Variants in INTS9 observed in about 807,000 individuals in gnomAD.
The protein encoded by INTS9 is integrator complex subunit 9.
Under a neutral mutation model 79.7 loss-of-function variants are expected in INTS9, and 55 were observed. The observed-to-expected ratio is 0.69, with a 90% CI of 0.56 to 0.86. The LOEUF (loss-of-function observed/expected upper bound fraction) is 0.86. INTS9 is among the 40% of genes least tolerant of loss of function. The probability of loss-of-function intolerance (pLI) is 0.00; values close to 1 mark genes in which losing one functional copy is unlikely to be tolerated. For missense variants in INTS9, 721 were observed against 831.5 expected (o/e 0.87, Z 1.64); for synonymous variants, 319 against 325.2 (o/e 0.98, Z 0.20).
At chr8:28,832,818 T>G (rs1254475167) in intron 6 of INTS9, among the ~76,000 whole-genome samples, 4 of 151,822 alleles carry the variant, frequency 2.6e-5, no homozygotes, top group Non-Finnish European at 4.4e-5. Flanking sequence ...AAAAATTAGC[T>G]GGGCATGGTG....
intron 6 of INTS9, among the ~76,000 whole-genome samples, chr8:28,828,776 G>A (rs1806299200): frequency 6.6e-6 from 1 of 151,526 alleles, no homozygotes; most frequent in Non-Finnish European, 1.5e-5. Flanking sequence ...TCGGCTCACC[G>A]CAACTTCCAC....
At chr8:28,833,027 AAC>A (rs1285380465) in intron 6 of INTS9, among the ~76,000 whole-genome samples, 4 of 152,306 alleles carry the variant, frequency 2.6e-5, no homozygotes, top group African/African-American at 9.6e-5. Context: ...TAAATAAATT[AAC>A]ACATTTAGAA....
chr8:28,780,886 C>T lies in INTS9; in HGVS notation c.1207G>A (p.Gly403Arg), dbSNP rs767847217. The change falls in exon 12 of 17, where the codon GGG (glycine) becomes AGG (arginine). Residue 403 changes from glycine to arginine, a missense_variant. Gly to Arg is a moderately radical substitution (Grantham distance 125). Around this residue, in one of 3 missense-constraint regions of INTS9, gnomAD observed 149 missense variants for 223.7 expected, o/e 0.67. Transcript: ENST00000521022. The stretch of plus-strand genomic sequence containing the variant: ...AGCTCCATGAAGTGGACCACGTCCC[C>T]GAAGCGGAGGGAAGGGTGCCCGGTG... ...VFTGHPSLRF[G>R]DVVHFMELWG... The T allele has an allele frequency of 6.8e-6, 11 of 1,614,000 alleles. No homozygotes were observed. Among genetic ancestry groups the T allele is most frequent in the African/African-American group, 1.3e-5 (1 of 74,912 alleles).
chr8:28,780,733 A>G (rs900796696), intron 12 of INTS9, 90 bp downstream of exon 12: 20 of 1,537,694 alleles, frequency 1.3e-5, no homozygotes, highest in East Asian at 2.3e-5. Context: ...TCTCACTGCA[A>G]AATCCTTCCC....
At chr8:28,784,622 A>G (rs1273797052) in intron 11 of INTS9, among the ~76,000 whole-genome samples, 1 of 152,242 alleles carries the variant, frequency 6.6e-6, no homozygotes, top group African/African-American at 2.4e-5. Flanking sequence ...TAACTATAAA[A>G]CAAAACAACT....
chr8:28,817,712 G>A (rs915515072), intron 6 of INTS9, among the ~76,000 whole-genome samples: 3 of 144,922 alleles, frequency 2.1e-5, no homozygotes, highest in Admixed American at 6.9e-5. Flanking sequence ...GTAGCTTGAT[G>A]GGGATGGCAT....
intron 11 of INTS9, 131 bp from the exon 12 acceptor site, chr8:28,781,125 A>C: frequency 4.4e-6 from 3 of 678,638 alleles, no homozygotes; most frequent in Non-Finnish European, 7.4e-6. Flanking sequence ...TTGGGAGAAA[A>C]TACCTGCAAA....
chr8:28,882,246 C>G (rs1005983286), intron 1 of INTS9, among the ~76,000 whole-genome samples: 4 of 133,494 alleles, frequency 3.0e-5, no homozygotes, highest in Non-Finnish European at 6.6e-5. Flanking sequence ...TAAACAGATG[C>G]TTGAAGGCAG....
chr8:28,888,751 G>A (rs1810334888), intron 1 of INTS9, among the ~76,000 whole-genome samples: 2 of 152,232 alleles, frequency 1.3e-5, no homozygotes, highest in African/African-American at 4.8e-5. Flanking sequence ...GACAATTTCG[G>A]AATTGAATCC....
chr8:28,870,530 C>A (rs1809030834), intron 1 of INTS9, among the ~76,000 whole-genome samples: 1 of 152,018 alleles, frequency 6.6e-6, no homozygotes, highest in East Asian at 1.9e-4. Flanking sequence ...GGATCAGCAT[C>A]AAGAAGGGAG....
intron 2 of INTS9, among the ~76,000 whole-genome samples, chr8:28,858,106 C>T (rs1585486397): frequency 1.3e-5 from 2 of 152,260 alleles, no homozygotes; most frequent in Middle Eastern, 3.4e-3. Flanking sequence ...GGATTGTCTG[C>T]CCTCGTCCAG....
At chr8:28,813,185 T>C (rs1805256877) in intron 7 of INTS9, among the ~76,000 whole-genome samples, 1 of 152,172 alleles carries the variant, frequency 6.6e-6, no homozygotes, top group African/African-American at 2.4e-5. Flanking sequence ...AAAGTCACAC[T>C]TGACAAACTC....
chr8:28,874,798 A>G (rs1426218363), intron 1 of INTS9, among the ~76,000 whole-genome samples: 2 of 152,314 alleles, frequency 1.3e-5, no homozygotes, highest in East Asian at 3.9e-4. Context: ...CAAATACACA[A>G]ATCTTTCAGA....
intron 4 of INTS9, among the ~76,000 whole-genome samples, chr8:28,838,282 G>C (rs1204689606): frequency 6.6e-6 from 1 of 151,696 alleles, no homozygotes; most frequent in Non-Finnish European, 1.5e-5. Context: ...TGTTAGTTTA[G>C]TGCTGGTTAT....
chr8:28,770,999 T>G lies in INTS9; in HGVS notation c.1645A>C (p.Asn549His). Reference sequence around the variant, plus strand: ...CCCCCTACCTGAAGCAAGTGCTTGTTATCTTTGGTGTGCAGCACGGCCGAG... The same window carrying G: ...CCCCCTACCTGAAGCAAGTGCTTGTGATCTTTGGTGTGCAGCACGGCCGAG... ...TVSAVLHTKD[N>H]KHLLQPPPRP... Residue 549 changes from asparagine (N) to histidine (H), a missense_variant, in exon 15 of 17, where the codon AAC (asparagine) becomes CAC (histidine). Asn to His is a moderately conservative substitution (Grantham distance 68). Coordinates refer to ENST00000521022, the MANE Select transcript of INTS9 (RefSeq NM_018250.4). 6.2e-7 allele frequency: 1 copy of G among 1,613,488 alleles called. No individual in the cohort carries two copies. The highest frequency in any genetic ancestry group is 8.5e-7 in the Non-Finnish European group (1 of 1,179,870).
intron 4 of INTS9, among the ~76,000 whole-genome samples, chr8:28,839,795 A>G (rs1488331344): frequency 6.6e-6 from 1 of 151,788 alleles, no homozygotes; most frequent in African/African-American, 2.4e-5. Context: ...TTAATTCAAG[A>G]TGGATTAAAG....
At chr8:28,874,742 T>G (rs1809285189) in intron 1 of INTS9, among the ~76,000 whole-genome samples, 1 of 152,208 alleles carries the variant, frequency 6.6e-6, no homozygotes, top group Non-Finnish European at 1.5e-5. Context: ...CTAAGACATT[T>G]ATTAGGTCTG....
chr8:28,812,530 G>A, intron 7 of INTS9, 69 bp from the exon 8 acceptor site: 2 of 1,512,618 alleles, frequency 1.3e-6, no homozygotes, highest in South Asian at 1.2e-5. Flanking sequence ...AATTCTGCAG[G>A]GAAAAACAAC....
intron 6 of INTS9, among the ~76,000 whole-genome samples, chr8:28,828,030 G>T (rs866766981): frequency 6.6e-6 from 1 of 152,170 alleles, no homozygotes; most frequent in African/African-American, 2.4e-5. Context: ...GACCAGAATC[G>T]CAAAGCCCAA....
Sources: gnomAD v4.1 joint callset for allele counts (sites outside exome capture counted in the v4.1 genomes callset) on GRCh38, gnomAD v4.1.1 for gene constraint, gnomAD v4.1.1 regional missense constraint, MANE v1.5 for transcripts, NCBI Gene and HGNC (gene_info 2026-07-23, HGNC 2026-07-21) for gene names.